Variants in SAMD5 observed in about 807,000 individuals in gnomAD.
SAMD5 encodes the protein sterile alpha motif domain containing 5, also known as sterile alpha motif domain-containing protein 5.
In SAMD5, 13 loss-of-function variants were observed where a neutral mutation model predicts 11.3. The observed-to-expected ratio is 1.15, with a 90% CI of 0.75 to 1.83. SAMD5 has a LOEUF of 1.83. Among genes scored for constraint, SAMD5 ranks in the 40% most tolerant of loss-of-function variants. The pLI is 0.00. For missense variants in SAMD5, 255 were observed against 239.1 expected, an observed-to-expected ratio of 1.07 and a Z score of -0.44; for synonymous variants, 129 against 111.3, an observed-to-expected ratio of 1.16 and a Z score of -1.00.
At chr6:147,742,250 TTG>T (rs144219323), downstream of SAMD5, among the ~76,000 whole-genome samples, 11,200 of 151,748 alleles carry the variant, frequency 0.074, 494 homozygotes, top group Non-Finnish European at 0.092. Flanking sequence ...GTGTGTGTGT[TTG>T]TGTGTGTGTG....
intron 1 of SAMD5, among the ~76,000 whole-genome samples, chr6:147,728,093 G>A (rs4122006): frequency 0.74 from 112,678 of 152,094 alleles, 42,270 homozygotes; most frequent in African/African-American, 0.85. Context: ...GAGTTAGTAG[G>A]TCTAGTACTG....
At chr6:147,929,372 TCTC>T in the SAMD5 span, among the ~76,000 whole-genome samples, 1 of 152,106 alleles carries the variant, frequency 6.6e-6, no homozygotes, top group Non-Finnish European at 1.5e-5. Context: ...GGAAACCAAA[TCTC>T]CTGATGCACT....
At chr6:147,790,170 G>T in the SAMD5 span, among the ~76,000 whole-genome samples, 5 of 152,216 alleles carry the variant, frequency 3.3e-5, no homozygotes, top group African/African-American at 1.2e-4. Flanking sequence ...ACTGCAAGAT[G>T]TCCTTCAGTA....
chr6:147,830,251 C>CTTTCTTTTTTTTTTTTTTTT, the SAMD5 span, among the ~76,000 whole-genome samples: 1 of 84,934 alleles, frequency 1.2e-5, no homozygotes, highest in African/African-American at 4.7e-5. Flanking sequence ...TTCTTTCTTT[C>CTTTCTTTTTTTTTTTTTTTT]TTTTTTTTTT....
intron 1 of SAMD5, among the ~76,000 whole-genome samples, chr6:147,523,237 T>A (rs1416725948): frequency 6.6e-6 from 1 of 152,182 alleles, no homozygotes; most frequent in African/African-American, 2.4e-5. Flanking sequence ...GGGCTTTGCA[T>A]AGAAACAACA....
At chr6:147,945,849 A>G in the SAMD5 span, among the ~76,000 whole-genome samples, 2 of 152,308 alleles carry the variant, frequency 1.3e-5, no homozygotes, top group African/African-American at 4.8e-5. Flanking sequence ...TGCAAAAAAG[A>G]GAGCAAGACG....
intron 1 of SAMD5, among the ~76,000 whole-genome samples, chr6:147,736,981 T>G (rs1054283417): frequency 6.6e-5 from 10 of 152,102 alleles, no homozygotes; most frequent in Non-Finnish European, 4.4e-5. Context: ...ATGATTATAG[T>G]AGTGTTATTA....
downstream of SAMD5, among the ~76,000 whole-genome samples, chr6:147,574,699 A>C (rs183018633): frequency 1.3e-5 from 2 of 152,304 alleles, no homozygotes; most frequent in Non-Finnish European, 2.9e-5. Flanking sequence ...CATTCTCCAG[A>C]GAATGTTGGC....
chr6:147,631,242 C>T (rs755342888), intron 1 of SAMD5, among the ~76,000 whole-genome samples: 4 of 152,000 alleles, frequency 2.6e-5, no homozygotes, highest in African/African-American at 9.7e-5. Flanking sequence ...AGAAACTAAA[C>T]GGAAGACACA....
intron 1 of SAMD5, among the ~76,000 whole-genome samples, chr6:147,536,321 A>G (rs980629572): frequency 1.3e-5 from 2 of 152,228 alleles, no homozygotes; most frequent in Non-Finnish European, 2.9e-5. Context: ...AATTAACTAT[A>G]CTGCCATAAA....
chr6:147,906,140 A>C, the SAMD5 span, among the ~76,000 whole-genome samples: 2 of 152,228 alleles, frequency 1.3e-5, no homozygotes, highest in Non-Finnish European at 2.9e-5. Context: ...ATGAAGAAAA[A>C]AGGAAAAATA....
Position 147,564,585 on chromosome 6 carries a change from G to T in SAMD5, c.*129G>T. 4.2e-6 allele frequency: 6 copies of T among 1,428,336 alleles called. No homozygotes were observed. The highest frequency in any genetic ancestry group is 5.6e-6 in the Non-Finnish European group (6 of 1,065,668). 88.5% of individuals were successfully genotyped at this position (1,428,336 alleles called of 1,614,324 possible). ...GAAATACTCATCAGCTTAACTTTTT[G>T]CTTGGACAAATTCTGGAATAATCAA... On this transcript the variant is annotated 3_prime_UTR_variant, in exon 2 of 2. Coordinates refer to ENST00000367474, the MANE Select transcript of SAMD5 (RefSeq NM_001030060.3).
intron 1 of SAMD5, among the ~76,000 whole-genome samples, chr6:147,644,782 A>G (rs913768791): frequency 5.9e-5 from 9 of 152,222 alleles, no homozygotes; most frequent in Non-Finnish European, 1.2e-4. Context: ...GACAACTTGC[A>G]GTATATGTGT....
At chr6:147,618,687 G>A (rs906365651) in intron 1 of SAMD5, among the ~76,000 whole-genome samples, 2 of 152,180 alleles carry the variant, frequency 1.3e-5, no homozygotes, top group African/African-American at 4.8e-5. Context: ...GAGAGCTTCA[G>A]TCCCTCCCCT....
the SAMD5 span, among the ~76,000 whole-genome samples, chr6:147,807,456 G>A: frequency 0.019 from 2,912 of 152,276 alleles, 36 homozygotes; most frequent in Non-Finnish European, 0.03. Context: ...AAGGGCAACC[G>A]AAGCAGATGA....
the SAMD5 span, among the ~76,000 whole-genome samples, chr6:147,907,733 G>A: frequency 6.6e-6 from 1 of 152,174 alleles, no homozygotes; most frequent in Admixed American, 6.5e-5. Flanking sequence ...TTTGACTAAG[G>A]CCTTTGTTTC....
the SAMD5 span, among the ~76,000 whole-genome samples, chr6:147,845,575 T>C: frequency 6.6e-6 from 1 of 152,070 alleles, no homozygotes; most frequent in Non-Finnish European, 1.5e-5. Context: ...GCAAAATCCA[T>C]GAGGAACAAT....
the SAMD5 span, among the ~76,000 whole-genome samples, chr6:147,876,280 G>T: frequency 6.6e-6 from 1 of 152,210 alleles, no homozygotes; most frequent in Non-Finnish European, 1.5e-5. Context: ...CCTGAGCTCT[G>T]CAGAGTCTCT....
chr6:147,672,838 C>T (rs62436326), intron 1 of SAMD5, among the ~76,000 whole-genome samples: 7,429 of 152,086 alleles, frequency 0.049, 241 homozygotes, highest in African/African-American at 0.092. Flanking sequence ...AAGTTCCTTC[C>T]AAATAATACA....
Sources: allele counts gnomAD v4.1 joint callset (sites outside exome capture counted in the v4.1 genomes callset), GRCh38; gene constraint gnomAD v4.1.1; transcripts MANE v1.5; gene names NCBI Gene and HGNC (gene_info 2026-07-23, HGNC 2026-07-21).